Variants in RSPH14 observed in about 807,000 individuals in gnomAD.
RSPH14 encodes rhabdoid tumor deletion region gene 1.
Under a neutral mutation model 26.7 loss-of-function variants are expected in RSPH14, and 20 were observed. That is an observed-to-expected ratio of 0.75 (90% CI 0.53 to 1.09). The LOEUF (loss-of-function observed/expected upper bound fraction) is 1.09. RSPH14 is among the 50% of genes least tolerant of loss of function. RSPH14 has a pLI of 0.00. For synonymous variants in RSPH14, 177 were observed against 189.3 expected (o/e 0.93, Z 0.53); for missense variants, 449 against 457.2 (o/e 0.98, Z 0.16).
chr22:23,151,579 T>A, the RSPH14 span, among the ~76,000 whole-genome samples: 1 of 152,146 alleles, frequency 6.6e-6, no homozygotes, highest in Middle Eastern at 3.2e-3. Flanking sequence ...GCAAAAACTC[T>A]TAAAGTGTTG....
chr22:23,146,548 G>T, upstream of RSPH14: 1 of 1,587,874 alleles, frequency 6.3e-7, no homozygotes, highest in South Asian at 1.1e-5. Flanking sequence ...ACTCATGGGT[G>T]AATCCCCAGG....
chr22:23,093,452 C>T (rs1479854359), intron 4 of RSPH14, among the ~76,000 whole-genome samples: 4 of 152,210 alleles, frequency 2.6e-5, no homozygotes, highest in East Asian at 3.8e-4. Context: ...CCTCCTCACC[C>T]GCACTCTGGC....
upstream of RSPH14, chr22:23,145,404 C>T: frequency 6.2e-7 from 1 of 1,609,774 alleles, no homozygotes; most frequent in South Asian, 1.1e-5. Context: ...TTGGACGCGC[C>T]GCTGCCAGTC....
At chr22:23,094,238 G>A (rs1052375896) in intron 4 of RSPH14, among the ~76,000 whole-genome samples, 3 of 152,140 alleles carry the variant, frequency 2.0e-5, no homozygotes, top group African/African-American at 7.2e-5. Context: ...GGGTGCGTGT[G>A]AGTTGGGTGG....
chr22:23,092,782 C>T (rs951901704), intron 4 of RSPH14, among the ~76,000 whole-genome samples: 1 of 152,242 alleles, frequency 6.6e-6, no homozygotes, highest in African/African-American at 2.4e-5. Context: ...ATCACACATC[C>T]TTGGACAGAG....
intron 4 of RSPH14, chr22:23,095,952 G>A (rs556083506): frequency 4.3e-6 from 7 of 1,612,438 alleles, no homozygotes; most frequent in East Asian, 2.2e-5. Context: ...CGCATCATCC[G>A]GGCCCTGGCC....
chr22:23,178,561 G>A, the RSPH14 span, among the ~76,000 whole-genome samples: 4 of 152,228 alleles, frequency 2.6e-5, no homozygotes. Context: ...TGATGGGAAG[G>A]GGATGAGAAG....
chr22:23,096,672 G>A (rs1417317322), intron 4 of RSPH14, among the ~76,000 whole-genome samples: 1 of 152,192 alleles, frequency 6.6e-6, no homozygotes, highest in Non-Finnish European at 1.5e-5. Context: ...GTGAGGCTCC[G>A]CCGGGCATCC....
At chr22:23,128,997 A>C (rs1253799384) in intron 4 of RSPH14, among the ~76,000 whole-genome samples, 1 of 152,140 alleles carries the variant, frequency 6.6e-6, no homozygotes, top group Non-Finnish European at 1.5e-5. Flanking sequence ...CCCTGCTCAG[A>C]GACTGTCCCA....
chr22:23,061,874 T>C lies in RSPH14; in HGVS notation c.725A>G (p.Asp242Gly), dbSNP rs1390185338. The C allele has an allele frequency of 6.2e-7, 1 of 1,614,026 alleles. No homozygotes were observed. The highest frequency in any genetic ancestry group is 8.5e-7 in the Non-Finnish European group (1 of 1,180,002). The change falls in exon 6 of 7, where the codon GAC (aspartate) becomes GGC (glycine). Residue 242 changes from aspartate (D) to glycine (G), a missense_variant. Transcript: ENST00000216036. ...GTTAGACTTCACATGCTCCACTGGG[T>C]CTTTCAGCAGATGGACCAGGATGGG... Reference protein sequence around the residue: ...VIPILVHLLKDPVEHVKSNAA... With the variant: ...VIPILVHLLKGPVEHVKSNAA...
chr22:23,066,282 T>A (rs1314313540), intron 4 of RSPH14, among the ~76,000 whole-genome samples: 1 of 152,124 alleles, frequency 6.6e-6, no homozygotes, highest in Non-Finnish European at 1.5e-5. Flanking sequence ...TGAGTCAGGA[T>A]GGGCACAAGT....
chr22:23,139,918 A>C (rs1239159778), intron 2 of RSPH14, among the ~76,000 whole-genome samples: 1 of 152,250 alleles, frequency 6.6e-6, no homozygotes, highest in Non-Finnish European at 1.5e-5. Context: ...ATAAGAAATT[A>C]GTCAGCCATG....
upstream of RSPH14, chr22:23,145,402 G>T (rs551752308): frequency 3.1e-6 from 5 of 1,609,458 alleles, no homozygotes; most frequent in African/African-American, 4.0e-5. Flanking sequence ...GCTTGGACGC[G>T]CCGCTGCCAG....
At chr22:23,169,798 G>C in the RSPH14 span, among the ~76,000 whole-genome samples, 1 of 152,060 alleles carries the variant, frequency 6.6e-6, no homozygotes, top group African/African-American at 2.4e-5. Flanking sequence ...GGGGCCTTTG[G>C]GTGAATTAGA....
upstream of RSPH14, chr22:23,146,654 G>A: frequency 1.9e-6 from 3 of 1,614,096 alleles, no homozygotes; most frequent in Non-Finnish European, 2.5e-6. Context: ...CCCCCTGTGA[G>A]CCGCGACCGT....
chr22:23,092,581 A>C (rs1241048135), intron 4 of RSPH14, among the ~76,000 whole-genome samples: 1 of 152,178 alleles, frequency 6.6e-6, no homozygotes, highest in Non-Finnish European at 1.5e-5. Flanking sequence ...ACCTGGCCTC[A>C]GTTTCCCCTT....
chr22:23,081,504 T>C (rs546280803), intron 4 of RSPH14, among the ~76,000 whole-genome samples: 8 of 152,102 alleles, frequency 5.3e-5, no homozygotes, highest in Admixed American at 4.6e-4. Context: ...ATTAGAAATA[T>C]ATGTTATAGG....
the RSPH14 span, among the ~76,000 whole-genome samples, chr22:23,174,221 G>C: frequency 6.6e-6 from 1 of 150,508 alleles, no homozygotes; most frequent in Non-Finnish European, 1.5e-5. Context: ...GTGTGTGACG[G>C]TGTGTGTGTG....
chr22:23,158,355 T>A, the RSPH14 span, among the ~76,000 whole-genome samples: 1 of 152,248 alleles, frequency 6.6e-6, no homozygotes, highest in Non-Finnish European at 1.5e-5. Flanking sequence ...ACTTTTTGAA[T>A]GAGGTGCCCC....
Sources: allele counts gnomAD v4.1 joint callset (sites outside exome capture counted in the v4.1 genomes callset), GRCh38; gene constraint gnomAD v4.1.1; transcripts MANE v1.5; gene names NCBI Gene and HGNC (gene_info 2026-07-23, HGNC 2026-07-21).